BEGAIN: variants seen among roughly 807,000 people sequenced by gnomAD.
BEGAIN encodes the protein brain-enriched guanylate kinase-associated protein.
A neutral mutation model predicts 35.8 loss-of-function variants in BEGAIN; 19 were observed. The ratio of observed to expected loss-of-function variants is 0.53; its 90% CI spans 0.37 to 0.78. BEGAIN has a LOEUF of 0.78. Among genes scored for constraint, BEGAIN ranks in the 30% least tolerant of loss-of-function variants. The probability of loss-of-function intolerance (pLI) is 0.00; values close to 1 mark genes in which losing one functional copy is unlikely to be tolerated. For synonymous variants in BEGAIN, 462 were observed against 388.6 expected (o/e 1.19, Z -2.22); for missense variants, 795 against 853.6 (o/e 0.93, Z 0.85).
intron 1 of BEGAIN, among the ~76,000 whole-genome samples, chr14:100,578,992 T>C (rs2035262107): frequency 6.6e-6 from 1 of 151,978 alleles, no homozygotes; most frequent in Admixed American, 6.6e-5. Flanking sequence ...TCCAAAGTAG[T>C]TGAGACTACA....
Position 100,538,491 on chromosome 14 carries a change from G to A in BEGAIN, c.1317C>T (p.Pro439=), listed in dbSNP as rs2030965901. Residue 439 remains proline (P), a synonymous_variant, in exon 7 of 7, where the codon CCC becomes CCT. Transcript: ENST00000554140. ...PGEDMRGQWR[P]LSVEDIGAYS... The stretch of plus-strand genomic sequence containing the variant: ...AGGCGCCGATGTCCTCCACGCTCAG[G>A]GGACGCCACTGGCCCCTCATGTCCT... 3 of 1,549,440 alleles carry A rather than the reference G, an allele frequency of 1.9e-6. No individual in the cohort carries two copies. The highest frequency in any genetic ancestry group is 2.6e-6 in the Non-Finnish European group (3 of 1,153,420).
Position 100,538,487 on chromosome 14 carries a change from T to C in BEGAIN, c.1321A>G (p.Ser441Gly). The change falls in exon 7 of 7, where the codon AGC becomes GGC. Residue 441 changes from serine (S) to glycine (G), a missense_variant. Physicochemically the swap from Ser to Gly is moderately conservative, Grantham distance 56 (BLOSUM62 0). Transcript: ENST00000554140. ...GAGTAGGCGCCGATGTCCTCCACGC[T>C]CAGGGGACGCCACTGGCCCCTCATG... The part of the protein sequence containing the change: ...EDMRGQWRPL[S>G]VEDIGAYSYP... 1 of 1,553,682 alleles carries C rather than the reference T, an allele frequency of 6.4e-7. No individual in the cohort carries two copies. Among genetic ancestry groups the C allele is most frequent in the Non-Finnish European group, 8.7e-7 (1 of 1,155,194 alleles).
At position 100,567,848 on chromosome 14, in the gene BEGAIN, C is replaced by A; in HGVS notation, c.71+63G>T. 1 of 1,417,328 alleles carries A rather than the reference C, an allele frequency of 7.1e-7. No homozygotes were observed. Among genetic ancestry groups the A allele is most frequent in the Non-Finnish European group, 9.4e-7 (1 of 1,065,756 alleles). 87.8% of individuals were successfully genotyped at this position (1,417,328 alleles called of 1,614,324 possible). A position where few individuals can be genotyped will look rare whatever the true frequency, so the allele number is the denominator to read the frequency against. On this transcript the variant is annotated intron_variant, in intron 2 of 6. Transcript: ENST00000554140. The surrounding 1 kb of genome is among the most constrained non-coding windows in gnomAD (Gnocchi z 5.1). ...GGGTGGAGCCCCCTTCCCCCGCCTT[C>A]CCCAGCGCCCTCACCCCCGACCCGG...
chr14:100,558,313 C>A lies in BEGAIN; in HGVS notation c.71+9598G>T, dbSNP rs527507278. On this transcript the variant is annotated intron_variant, in intron 2 of 6. Coordinates refer to ENST00000554140, the MANE Select transcript of BEGAIN (RefSeq NM_001385089.1). The surrounding 1 kb of genome is among the most constrained non-coding windows in gnomAD (Gnocchi z 4.6). ...TGGTCCTGTCTCAGCCTTCACCTGA[C>A]CTGCGCCCTCAGCAGCCAGGCACAT... Among the ~76,000 whole-genome samples, 1 of 152,294 alleles carries A rather than the reference C, an allele frequency of 6.6e-6. No homozygotes were observed. The highest frequency in any genetic ancestry group is 2.1e-4 in the South Asian group (1 of 4,824).
At chr14:100,570,862 G>A (rs563329898) in intron 1 of BEGAIN, among the ~76,000 whole-genome samples, 108 of 152,342 alleles carry the variant, frequency 7.1e-4, no homozygotes, top group South Asian at 1.2e-3. Flanking sequence ...GGAGGCCAGC[G>A]CATGAAGTGG....
intron 2 of BEGAIN, chr14:100,548,054 G>A (rs1172786067): frequency 6.6e-6 from 1 of 151,748 alleles, no homozygotes; most frequent in Admixed American, 6.6e-5. Context: ...CGTCGCTTAC[G>A]TTTTTGAGAA....
rs1031538065 is a variant in BEGAIN at position 100,573,858 on chromosome 14, C to T, written c.43-5919G>A. ...CCGCCAGGGCAGCCACGGTGGGAGG[C>T]GACAGGGGCTGGGACAGAGCCCGGG... On this transcript the variant is annotated intron_variant, in intron 1 of 6. Transcript: ENST00000554140. The surrounding 1 kb of genome is among the most constrained non-coding windows in gnomAD (Gnocchi z 4.2). 7.9e-4 allele frequency among the ~76,000 whole-genome samples: 119 copies of T among 151,188 alleles called. No homozygotes were observed. The highest frequency in any genetic ancestry group is 2.6e-3 in the African/African-American group (107 of 41,132).
In BEGAIN at chr14:100,573,006, G is replaced by A. The variant is rs2035118159; in HGVS notation, c.43-5067C>T. Among the ~76,000 whole-genome samples the A allele has an allele frequency of 6.6e-6, 1 of 151,938 alleles. No individual in the cohort carries two copies. The highest frequency in any genetic ancestry group is 2.4e-5 in the African/African-American group (1 of 41,332). ...AAGACAGACCCCAAGAGATGAATCA[G>A]TACACCACCCCTCCCACCCTGTATG... On this transcript the variant is annotated intron_variant, in intron 1 of 6. Coordinates refer to ENST00000554140, the MANE Select transcript of BEGAIN (RefSeq NM_001385089.1). This position sits in a 1 kb window ranked among gnomAD's most constrained non-coding sequence, Gnocchi z 4.2.
In BEGAIN at chr14:100,568,077, C is replaced by G. The variant is rs1018108420; in HGVS notation, c.43-138G>C. The G allele has an allele frequency of 8.0e-5, 87 of 1,081,510 alleles. 1 individual carries two copies. The South Asian group carries it at 2.6e-3, about 32-fold the overall frequency. The allele number at this position is 1,081,510 out of a possible 1,614,324, so 67.0% of individuals were successfully genotyped here. On this transcript the variant is annotated intron_variant, in intron 1 of 6. Transcript: ENST00000554140. This position sits in a 1 kb window ranked among gnomAD's most constrained non-coding sequence, Gnocchi z 7.5. ...GTGGGAAGCCCGGCGCCGCGCGTCC[C>G]CAGCTTCCAGTCCCGGCCGCGGCCC... is the stretch of plus-strand genomic sequence containing the variant.
At chr14:100,564,750 T>C (rs1343005158) in intron 2 of BEGAIN, among the ~76,000 whole-genome samples, 1 of 151,982 alleles carries the variant, frequency 6.6e-6, no homozygotes, top group Non-Finnish European at 1.5e-5. Flanking sequence ...ACTGTGGCTG[T>C]CAGAACACCA....
chr14:100,579,652 T>C (rs1440501012), intron 1 of BEGAIN, among the ~76,000 whole-genome samples: 3 of 152,180 alleles, frequency 2.0e-5, no homozygotes, highest in African/African-American at 7.2e-5. Flanking sequence ...CATCAGGTGC[T>C]GAGGACCCCT....
chr14:100,555,853 A>G (rs2033667028), intron 2 of BEGAIN, among the ~76,000 whole-genome samples: 2 of 152,148 alleles, frequency 1.3e-5, no homozygotes, highest in African/African-American at 2.4e-5. Flanking sequence ...GGCCTGGGCA[A>G]TCCCGTGGCT....
At chr14:100,552,903 G>C (rs1385969054) in intron 2 of BEGAIN, among the ~76,000 whole-genome samples, 1 of 152,226 alleles carries the variant, frequency 6.6e-6, no homozygotes, top group East Asian at 1.9e-4. Flanking sequence ...CCTGCCAAGA[G>C]ACCTTGCCTT....
At chr14:100,561,261 A>G (rs2034227574) in intron 2 of BEGAIN, among the ~76,000 whole-genome samples, 1 of 152,104 alleles carries the variant, frequency 6.6e-6, no homozygotes, top group South Asian at 2.1e-4. Flanking sequence ...GAATGATGTC[A>G]CCGCCCAAGG....
At chr14:100,576,743 T>C (rs558581017) in intron 1 of BEGAIN, among the ~76,000 whole-genome samples, 6 of 152,202 alleles carry the variant, frequency 3.9e-5, no homozygotes, top group African/African-American at 1.2e-4. Context: ...CCCGACGCTC[T>C]GCACAGCTCC....
intron 1 of BEGAIN, among the ~76,000 whole-genome samples, chr14:100,582,033 C>T (rs1051833718): frequency 1.3e-5 from 2 of 152,258 alleles, no homozygotes; most frequent in Non-Finnish European, 2.9e-5. Flanking sequence ...CGGGTAAACC[C>T]CCATGGTGCG....
chr14:100,561,698 GGACA>G (rs1566973934), intron 2 of BEGAIN, among the ~76,000 whole-genome samples: 1 of 151,136 alleles, frequency 6.6e-6, no homozygotes, highest in Non-Finnish European at 1.5e-5. Context: ...CCAGCCTGGC[GGACA>G]GAGCAAGACT....
chr14:100,546,830 T>G, intron 2 of BEGAIN, 168 bp from the exon 3 acceptor site: 1 of 528,086 alleles, frequency 1.9e-6, no homozygotes, highest in Non-Finnish European at 3.0e-6. Context: ...ACACCCAGCC[T>G]CCCGGGCGTC....
At chr14:100,564,282 G>A (rs1420147723) in intron 2 of BEGAIN, among the ~76,000 whole-genome samples, 1 of 152,052 alleles carries the variant, frequency 6.6e-6, no homozygotes, top group East Asian at 1.9e-4. Flanking sequence ...CACAGTTCAC[G>A]ACTTTGAAAA....
Sources: gnomAD v4.1 joint callset for allele counts (sites outside exome capture counted in the v4.1 genomes callset) on GRCh38, gnomAD v4.1.1 for gene constraint, Gnocchi (gnomAD v3.1) non-coding constraint, MANE v1.5 for transcripts, NCBI Gene and HGNC (gene_info 2026-07-23, HGNC 2026-07-21) for gene names.